Variants in LRCH1 observed in about 807,000 individuals in gnomAD.
LRCH1 encodes the protein leucine-rich repeat and calponin homology domain-containing protein 1.
Under a neutral mutation model 94.9 loss-of-function variants are expected in LRCH1, and 23 were observed. The observed-to-expected ratio is 0.24, with a 90% confidence interval of 0.17 to 0.34. The LOEUF is 0.34. LRCH1 is among the 10% of genes least tolerant of loss of function. The pLI, the probability that LRCH1 is intolerant of heterozygous loss-of-function variation, is 1.00. For synonymous variants in LRCH1, 364 were observed against 354.9 expected (o/e 1.03, Z -0.29); for missense variants, 790 against 945.9 (o/e 0.84, Z 2.16).
intron 1 of LRCH1, among the ~76,000 whole-genome samples, chr13:46,567,081 A>G (rs772432482): frequency 2.6e-5 from 4 of 151,520 alleles, no homozygotes; most frequent in Admixed American, 6.6e-5. Flanking sequence ...CTAATTGAAC[A>G]GTTTACTGAT....
intron 19 of LRCH1, among the ~76,000 whole-genome samples, chr13:46,735,795 T>C (rs1380186973): frequency 8.3e-5 from 12 of 145,326 alleles, no homozygotes; most frequent in East Asian, 3.9e-4. Context: ...TTTCTTTTCT[T>C]TTTTTTTTTT....
intron 1 of LRCH1, among the ~76,000 whole-genome samples, chr13:46,597,939 G>A (rs889071763): frequency 6.6e-6 from 1 of 152,058 alleles, no homozygotes; most frequent in Admixed American, 6.6e-5. Flanking sequence ...TTCCTATGGC[G>A]GTGTTCAAGG....
chr13:46,597,323 G>C lies in LRCH1; in HGVS notation c.307+43620G>C, dbSNP rs560281240. Among the ~76,000 whole-genome samples the C allele has an allele frequency of 5.9e-5, 9 of 151,844 alleles. No homozygotes were observed. In the South Asian group the frequency reaches 1.9e-3, roughly 32 times the overall value. ...CTTGGTGATTTCACTGTTTAAAATG[G>C]CTCCCCAAATATAGGGCTAAAGAAC... On this transcript the variant is annotated intron_variant, in intron 1 of 19. Coordinates refer to ENST00000389797, the MANE Select transcript of LRCH1 (RefSeq NM_001164211.2).
intron 1 of LRCH1, among the ~76,000 whole-genome samples, chr13:46,585,147 A>G (rs1342741375): frequency 6.6e-6 from 1 of 152,206 alleles, no homozygotes; most frequent in East Asian, 1.9e-4. Context: ...TTTTTCTCTC[A>G]TGTTTAGTAA....
intron 17 of LRCH1, among the ~76,000 whole-genome samples, chr13:46,727,806 A>C (rs549107694): frequency 6.6e-6 from 1 of 152,248 alleles, no homozygotes; most frequent in African/African-American, 2.4e-5. Context: ...TTACAATTGC[A>C]TATGAATCTA....
intron 1 of LRCH1, among the ~76,000 whole-genome samples, chr13:46,642,583 G>C (rs1039571015): frequency 2.4e-4 from 37 of 152,186 alleles, no homozygotes; most frequent in African/African-American, 8.4e-4. Context: ...TTGTTGCTCT[G>C]ATTGTATCAG....
Position 46,650,700 on chromosome 13 carries a change from G to T in LRCH1, c.452+355G>T, listed in dbSNP as rs562544424. On this transcript the variant is annotated intron_variant, in intron 2 of 19. Coordinates refer to ENST00000389797, the MANE Select transcript of LRCH1 (RefSeq NM_001164211.2). ...GTATAAAGGAAGTGAAAAAGAGTTT[G>T]GTTGTCAGGACAAACAAGGAGCAAA... Among the ~76,000 whole-genome samples, 73 of 142,118 alleles carry T rather than the reference G, an allele frequency of 5.1e-4. 1 individual carries two copies. The South Asian group carries it at 9.2e-3, about 18-fold the overall frequency. The allele number at this position is 142,118 out of a possible 152,430, so 93.2% of individuals were successfully genotyped here. A position where few individuals can be genotyped will look rare whatever the true frequency, so the allele number is the denominator to read the frequency against.
chr13:46,727,381 C>T (rs1170559665), intron 17 of LRCH1, among the ~76,000 whole-genome samples: 2 of 152,158 alleles, frequency 1.3e-5, no homozygotes, highest in Admixed American at 6.5e-5. Flanking sequence ...CACAGAGCCT[C>T]GGGACCTGTG....
chr13:46,695,797 T>G (rs1369505238), intron 9 of LRCH1, among the ~76,000 whole-genome samples: 1 of 152,194 alleles, frequency 6.6e-6, no homozygotes, highest in East Asian at 1.9e-4. Context: ...TGTGTCCTGA[T>G]GGCTGGACCC....
intron 1 of LRCH1, among the ~76,000 whole-genome samples, chr13:46,633,828 C>T (rs1027313513): frequency 6.6e-6 from 1 of 151,464 alleles, no homozygotes. Flanking sequence ...CTAAACTGAT[C>T]GTGACTCTCC....
intron 1 of LRCH1, among the ~76,000 whole-genome samples, chr13:46,598,225 C>T (rs918907791): frequency 8.5e-5 from 13 of 152,118 alleles, no homozygotes; most frequent in East Asian, 1.9e-4. Flanking sequence ...TGGCATACAG[C>T]GTATGTACTC....
rs138927559 is a variant in LRCH1 at position 46,568,166 on chromosome 13, A to G, written c.307+14463A>G. On this transcript the variant is annotated intron_variant, in intron 1 of 19. Coordinates refer to ENST00000389797, the MANE Select transcript of LRCH1 (RefSeq NM_001164211.2). ...AACACTCTTTTCTTTAGAGAACACA[A>G]TAGATCACTGGGAACATCATAAGAG... Among the ~76,000 whole-genome samples the G allele has an allele frequency of 8.2e-3, 1,243 of 152,340 alleles. 7 individuals carry two copies. Among genetic ancestry groups the G allele is most frequent in the Non-Finnish European group, 0.013 (888 of 68,032 alleles).
At chr13:46,573,866 A>ATATATTTTTTTTT in intron 1 of LRCH1, among the ~76,000 whole-genome samples, 1 of 63,420 alleles carries the variant, frequency 1.6e-5, no homozygotes, top group African/African-American at 5.2e-5. Context: ...ATATATATAT[A>ATATATTTTTTTTT]TTTTTTTTTT....
At position 46,687,942 on chromosome 13, in the gene LRCH1, A is replaced by G. The variant is rs773323859; in HGVS notation, c.913A>G (p.Met305Val). Residue 305 changes from methionine (M) to valine (V), a missense_variant, in exon 6 of 20, where the codon ATG becomes GTG. Met to Val is a conservative substitution (Grantham distance 21, BLOSUM62 1). Coordinates refer to ENST00000389797, the MANE Select transcript of LRCH1 (RefSeq NM_001164211.2). ...KTADSLYLHT[M>V]ERPHLHQHVE... ...AGCTGACTCCCTTTATCTCCACACC[A>G]TGGAGAGGCCACATTTACACCAGCA... 3.7e-6 allele frequency: 6 copies of G among 1,612,296 alleles called. No homozygotes were observed. The highest frequency in any genetic ancestry group is 5.1e-6 in the Non-Finnish European group (6 of 1,179,010).
intron 18 of LRCH1, among the ~76,000 whole-genome samples, chr13:46,730,512 A>C (rs1401390818): frequency 6.6e-6 from 1 of 152,196 alleles, no homozygotes; most frequent in East Asian, 1.9e-4. Context: ...TCTTGACAGC[A>C]GGAAAAATTA....
At chr13:46,571,497 C>G (rs923151825) in intron 1 of LRCH1, among the ~76,000 whole-genome samples, 2 of 152,156 alleles carry the variant, frequency 1.3e-5, no homozygotes, top group Non-Finnish European at 2.9e-5. Flanking sequence ...TGGGTTTTCT[C>G]GAAGCGGGCT....
chr13:46,591,586 A>G (rs777524947), intron 1 of LRCH1, among the ~76,000 whole-genome samples: 3 of 152,232 alleles, frequency 2.0e-5, no homozygotes. Context: ...CCTGCAGGCA[A>G]TTAAGACGAA....
intron 1 of LRCH1, among the ~76,000 whole-genome samples, chr13:46,623,984 A>T (rs767517469): frequency 6.6e-6 from 1 of 151,586 alleles, no homozygotes; most frequent in African/African-American, 2.4e-5. Context: ...CCTGGGCTCA[A>T]TCGATCCTCC....
intron 8 of LRCH1, among the ~76,000 whole-genome samples, chr13:46,693,209 C>T (rs184453569): frequency 1.4e-4 from 21 of 152,144 alleles, no homozygotes; most frequent in South Asian, 4.2e-4. Flanking sequence ...CTCTAGCTGC[C>T]GTAACATAGA....
Sources: allele counts gnomAD v4.1 joint callset (sites outside exome capture counted in the v4.1 genomes callset), GRCh38; gene constraint gnomAD v4.1.1; transcripts MANE v1.5; gene names NCBI Gene and HGNC (gene_info 2026-07-23, HGNC 2026-07-21).